SCUBE1: variants seen among roughly 807,000 people sequenced by gnomAD.
The protein encoded by SCUBE1 is signal peptide, CUB domain and EGF like domain containing 1.
SCUBE1 carries 59 observed loss-of-function variants against 124.4 expected under a neutral mutation model. The observed-to-expected ratio is 0.47, with a 90% CI of 0.38 to 0.59. The LOEUF is 0.59. SCUBE1 is among the 20% of genes least tolerant of loss of function. The pLI, the probability that SCUBE1 is intolerant of heterozygous loss-of-function variation, is 0.00. For missense variants in SCUBE1, 1,150 were observed against 1,371.2 expected, an observed-to-expected ratio of 0.84 and a Z score of 2.55; for synonymous variants, 545 against 550.9, an observed-to-expected ratio of 0.99 and a Z score of 0.15.
chr22:43,309,272 C>T (rs774494476), intron 3 of SCUBE1, among the ~76,000 whole-genome samples: 50 of 152,222 alleles, frequency 3.3e-4, no homozygotes, highest in Non-Finnish European at 2.6e-4. Context: ...AAGCTCATCT[C>T]GTTGGCCTCT....
intron 4 of SCUBE1, among the ~76,000 whole-genome samples, chr22:43,273,174 C>T (rs148909117): frequency 1.6e-3 from 243 of 152,348 alleles, no homozygotes; most frequent in African/African-American, 5.5e-3. Context: ...CACTGCCATG[C>T]GGTTCACTGG....
intron 20 of SCUBE1, 139 bp downstream of exon 20, chr22:43,207,933 C>T (rs1450660444): frequency 5.0e-6 from 5 of 1,005,926 alleles, no homozygotes; most frequent in African/African-American, 3.2e-5. Context: ...GCTCTGGCCC[C>T]TGACAGTGTT....
At chr22:43,307,505 A>G (rs1478138242) in intron 3 of SCUBE1, among the ~76,000 whole-genome samples, 3 of 152,206 alleles carry the variant, frequency 2.0e-5, no homozygotes, top group Non-Finnish European at 4.4e-5. Context: ...GGACACGGAA[A>G]AGAGCTGAGC....
chr22:43,203,854 G>T lies in SCUBE1; in HGVS notation c.*143C>A. 1 of 839,878 alleles carries T rather than the reference G, an allele frequency of 1.2e-6. No homozygotes were observed. Among genetic ancestry groups the T allele is most frequent in the Admixed American group, 2.8e-5 (1 of 36,126 alleles). The allele number at this position is 839,878 out of a possible 1,614,324, so 52.0% of individuals were successfully genotyped here. ...CGGGTCCGAAGGGTGCCTGGGCTCG[G>T]TCTCCATGGGCTGGTCGGCTTCCCT... On this transcript the variant is annotated 3_prime_UTR_variant, in exon 22 of 22. Coordinates refer to ENST00000360835, the MANE Select transcript of SCUBE1 (RefSeq NM_173050.5).
chr22:43,220,320 G>T, intron 14 of SCUBE1, 130 bp downstream of exon 14: 1 of 1,061,132 alleles, frequency 9.4e-7, no homozygotes, highest in South Asian at 1.6e-5. Flanking sequence ...CCAGAAGCTG[G>T]GCTCCCATCC....
rs1045114990 is a variant in SCUBE1, at chr22:43,198,806, G to A, written c.*5191C>T. ...GTGAGCAGGCTGTCCAGGGCAGCTT[G>A]TCTGCTGTCTGGGGCAGGGTGTCTG... On this transcript the variant is annotated 3_prime_UTR_variant, in exon 22 of 22. Transcript: ENST00000360835. The A allele has an allele frequency of 2.3e-6, 1 of 432,788 alleles. No individual in the cohort carries two copies. 26.8% of individuals were successfully genotyped at this position (432,788 alleles called of 1,614,324 possible). A position where few individuals can be genotyped will look rare whatever the true frequency, so the allele number is the denominator to read the frequency against.
At chr22:43,256,550 T>G in intron 6 of SCUBE1, among the ~76,000 whole-genome samples, 2 of 150,644 alleles carry the variant, frequency 1.3e-5, no homozygotes, top group Non-Finnish European at 3.0e-5. Context: ...GGAGGGAAGG[T>G]GGGGCTGGGG....
chr22:43,254,928 T>C (rs894126104), intron 6 of SCUBE1, among the ~76,000 whole-genome samples: 1 of 152,226 alleles, frequency 6.6e-6, no homozygotes, highest in South Asian at 2.1e-4. Context: ...CCAAAACACC[T>C]TGAGCAGCCT....
intron 4 of SCUBE1, among the ~76,000 whole-genome samples, chr22:43,266,034 G>A (rs549594695): frequency 1.8e-4 from 28 of 152,294 alleles, no homozygotes; most frequent in Middle Eastern, 3.4e-3. Flanking sequence ...TCAGGAGGTG[G>A]AGGCTGCAGT....
chr22:43,269,289 G>A (rs187458095), intron 4 of SCUBE1, among the ~76,000 whole-genome samples: 5 of 152,226 alleles, frequency 3.3e-5, no homozygotes, highest in Admixed American at 6.5e-5. Context: ...CAAGGCCTTC[G>A]ATCATTCTTG....
intron 19 of SCUBE1, among the ~76,000 whole-genome samples, chr22:43,209,769 C>A (rs1009543330): frequency 6.6e-6 from 1 of 152,204 alleles, no homozygotes; most frequent in Non-Finnish European, 1.5e-5. Flanking sequence ...GGCTCGTGGC[C>A]GGAGTTGAGA....
intron 2 of SCUBE1, among the ~76,000 whole-genome samples, chr22:43,332,806 G>C (rs1384102420): frequency 1.3e-5 from 2 of 152,196 alleles, no homozygotes; most frequent in African/African-American, 4.8e-5. Context: ...ACCGACACCA[G>C]CTCTGGGCCC....
At chr22:43,242,459 G>A (rs922657910) in intron 6 of SCUBE1, among the ~76,000 whole-genome samples, 3 of 152,234 alleles carry the variant, frequency 2.0e-5, no homozygotes, top group African/African-American at 4.8e-5. Context: ...CCGAGGCTGC[G>A]GCAGTGGCAT....
chr22:43,288,372 C>T (rs914810895), intron 4 of SCUBE1, among the ~76,000 whole-genome samples: 3 of 152,160 alleles, frequency 2.0e-5, no homozygotes, highest in Non-Finnish European at 4.4e-5. Flanking sequence ...TCCCCTCTCC[C>T]CTAAGCATCA....
In SCUBE1 at chr22:43,258,554, G is replaced by A. The variant is rs1219888295; in HGVS notation, c.611-219C>T. On this transcript the variant is annotated intron_variant, in intron 5 of 21. Transcript: ENST00000360835. The surrounding 1 kb of genome is among the most constrained non-coding windows in gnomAD (Gnocchi z 5.0). The stretch of plus-strand genomic sequence containing the variant: ...ACTCACTCCCTAGAGCTGAACGGGG[G>A]TGGGACAGAATGGACTTGGGGTCGT... 1.3e-5 allele frequency among the ~76,000 whole-genome samples: 2 copies of A among 152,178 alleles called. No individual in the cohort carries two copies. The highest frequency in any genetic ancestry group is 2.9e-5 in the Non-Finnish European group (2 of 68,026).
In SCUBE1 at chr22:43,229,489, C is replaced by T. The variant is rs1335330929; in HGVS notation, c.968-301G>A. Among the ~76,000 whole-genome samples the T allele has an allele frequency of 2.6e-5, 4 of 152,180 alleles. No individual in the cohort carries two copies. In the East Asian group the frequency reaches 7.7e-4, roughly 29 times the overall value. On this transcript the variant is annotated intron_variant, in intron 8 of 21. Coordinates refer to ENST00000360835, the MANE Select transcript of SCUBE1 (RefSeq NM_173050.5). ...GAATCTCTGCCATTTTACTATCTCACAGTCAGCTCCAATTAGGAGTGGTAG... is the reference window on the plus strand; with the variant it reads ...GAATCTCTGCCATTTTACTATCTCATAGTCAGCTCCAATTAGGAGTGGTAG...
chr22:43,290,265 C>CCTCTCCTCCAAGCACATGTGTCCTGGCT (rs1295053464), intron 4 of SCUBE1, among the ~76,000 whole-genome samples: 3 of 149,376 alleles, frequency 2.0e-5, no homozygotes, highest in Non-Finnish European at 3.0e-5. Context: ...GTGTCCTGGC[C>CCTCTCCTCCAAGCACATGTGTCCTGGCT]CTCTCCTCCA....
At chr22:43,312,570 G>T (rs774926514) in intron 3 of SCUBE1, among the ~76,000 whole-genome samples, 4 of 152,164 alleles carry the variant, frequency 2.6e-5, no homozygotes, top group Non-Finnish European at 4.4e-5. Flanking sequence ...GTGCTGGAGC[G>T]GAGGGCTCCG....
Position 43,207,434 on chromosome 22 carries a change from C to G in SCUBE1, c.2814+100G>C, listed in dbSNP as rs1377693058. On this transcript the variant is annotated intron_variant, in intron 21 of 21. Coordinates refer to ENST00000360835, the MANE Select transcript of SCUBE1 (RefSeq NM_173050.5). Reference sequence around the variant, plus strand: ...CCTCTCCCATCACCACCCACCCTCCCTTGCTCCTCCAGGGGCCAGGGCTGG... The same window carrying G: ...CCTCTCCCATCACCACCCACCCTCCGTTGCTCCTCCAGGGGCCAGGGCTGG... 7.2e-5 allele frequency: 66 copies of G among 912,118 alleles called. No homozygotes were observed. The Admixed American group carries it at 1.2e-3, about 17-fold the overall frequency. 56.5% of individuals were successfully genotyped at this position (912,118 alleles called of 1,614,324 possible). A position where few individuals can be genotyped will look rare whatever the true frequency, so the allele number is the denominator to read the frequency against.
Sources: allele counts gnomAD v4.1 joint callset (sites outside exome capture counted in the v4.1 genomes callset), GRCh38; gene constraint gnomAD v4.1.1; non-coding constraint Gnocchi (gnomAD v3.1); transcripts MANE v1.5; gene names NCBI Gene and HGNC (gene_info 2026-07-23, HGNC 2026-07-21).